The following CEP152 variants were observed in gnomAD, a reference collection of about 807,000 sequenced individuals.
CEP152 encodes the protein centrosomal protein of 152 kDa.
A neutral mutation model predicts 188.9 loss-of-function variants in CEP152; 132 were observed. The observed-to-expected ratio is 0.70, with a 90% CI of 0.61 to 0.81. The LOEUF (loss-of-function observed/expected upper bound fraction) is 0.81. Ranked by LOEUF, CEP152 falls within the 30% of genes least tolerant of loss-of-function variation. The pLI, the probability that CEP152 is intolerant of heterozygous loss-of-function variation, is 0.00. For synonymous variants in CEP152, 649 were observed against 666.6 expected (o/e 0.97, Z 0.41); for missense variants, 1,914 against 1,969.8 (o/e 0.97, Z 0.54).
At chr15:48,800,906 T>C (rs1897628273) in intron 2 of CEP152, among the ~76,000 whole-genome samples, 1 of 152,180 alleles carries the variant, frequency 6.6e-6, no homozygotes, top group African/African-American at 2.4e-5. Context: ...CAAAACACTT[T>C]GCAATAACCC....
chr15:48,767,604 G>T, intron 15 of CEP152, 141 bp from the exon 16 acceptor site: 1 of 1,081,270 alleles, frequency 9.2e-7, no homozygotes, highest in Non-Finnish European at 1.4e-6. Flanking sequence ...AACTGAAAGT[G>T]GTAATAATTA....
intron 13 of CEP152, among the ~76,000 whole-genome samples, chr15:48,771,531 T>C (rs578244651): frequency 3.2e-4 from 48 of 152,238 alleles, no homozygotes; most frequent in Non-Finnish European, 5.7e-4. Context: ...TAGAGCACTA[T>C]TGGTAAAAGC....
chr15:48,741,342 C>G (rs980569713), intron 26 of CEP152: 2 of 1,262,902 alleles, frequency 1.6e-6, no homozygotes, highest in African/African-American at 1.5e-5. Flanking sequence ...TTTTCTCATT[C>G]TTTATTTGCT....
intron 21 of CEP152, among the ~76,000 whole-genome samples, chr15:48,749,545 C>T (rs1189297215): frequency 6.6e-6 from 1 of 151,786 alleles, no homozygotes; most frequent in Non-Finnish European, 1.5e-5. Context: ...GTAACCTCAC[C>T]AATAAGACAT....
At chr15:48,803,117 G>A (rs1164191903) in intron 2 of CEP152, among the ~76,000 whole-genome samples, 2 of 152,284 alleles carry the variant, frequency 1.3e-5, no homozygotes, top group Non-Finnish European at 2.9e-5. Flanking sequence ...TCCCACATCA[G>A]CAACTTGAAC....
chr15:48,806,998 A>T (rs1397732898), intron 1 of CEP152, among the ~76,000 whole-genome samples: 1 of 152,188 alleles, frequency 6.6e-6, no homozygotes, highest in Non-Finnish European at 1.5e-5. Flanking sequence ...TTTGTTTTTC[A>T]AAGACTGAGT....
intron 22 of CEP152, 44 bp downstream of exon 22, chr15:48,748,399 T>G: frequency 6.7e-7 from 1 of 1,486,722 alleles, no homozygotes; most frequent in East Asian, 2.5e-5. Flanking sequence ...TCAACAAGGA[T>G]CAAAGAAATT....
At chr15:48,774,525 A>G (rs553592757) in intron 12 of CEP152, among the ~76,000 whole-genome samples, 2 of 152,330 alleles carry the variant, frequency 1.3e-5, no homozygotes, top group African/African-American at 2.4e-5. Context: ...AATTTGTACA[A>G]GCCTCAGTCT....
At chr15:48,799,475 G>GT (rs969643710) in intron 2 of CEP152, among the ~76,000 whole-genome samples, 12 of 152,174 alleles carry the variant, frequency 7.9e-5, no homozygotes, top group African/African-American at 9.6e-5. Context: ...CACTGGATGG[G>GT]TTTTTTTTAA....
Position 48,772,911 on chromosome 15 carries a change from A to G in CEP152, c.1578-220T>C, listed in dbSNP as rs563485086. The stretch of plus-strand genomic sequence containing the variant: ...TTTATTCACAGGAAGAGCCTTCTCA[A>G]GCTTAGTCCTGCTGCTCACTGTAAG... On this transcript the variant is annotated intron_variant, in intron 12 of 26. Transcript: ENST00000380950. Among the ~76,000 whole-genome samples, 48 of 152,348 alleles carry G rather than the reference A, an allele frequency of 3.2e-4. 1 individual carries two copies. The highest frequency in any genetic ancestry group is 8.3e-4 in the South Asian group (4 of 4,826).
rs1235374998 is a variant in CEP152, at chr15:48,768,969, T to G, written c.1895A>C (p.Gln632Pro). ...LLLKNEIQVL[Q>P]QQNQELKETE... ...ATTTTTAATCACCTGATTTTGTTGT[T>G]GTAAAACTTGAATTTCATTTTTAAG... The change falls in exon 14 of 27, where the codon CAA becomes CCA. Residue 632 changes from glutamine to proline, a missense_variant. Transcript: ENST00000380950. The G allele has an allele frequency of 6.5e-7, 1 of 1,548,908 alleles. No homozygotes were observed. The highest frequency in any genetic ancestry group is 1.7e-5 in the Admixed American group (1 of 58,472).
chr15:48,758,200 A>C (rs1490205618), intron 19 of CEP152, among the ~76,000 whole-genome samples: 1 of 152,200 alleles, frequency 6.6e-6, no homozygotes, highest in Non-Finnish European at 1.5e-5. Flanking sequence ...ACTACTTCTG[A>C]ATTCTAGAAA....
Position 48,797,717 on chromosome 15 carries a change from C to G in CEP152, c.205G>C (p.Glu69Gln). 1 of 1,614,066 alleles carries G rather than the reference C, an allele frequency of 6.2e-7. No individual in the cohort carries two copies. Among genetic ancestry groups the G allele is most frequent in the Non-Finnish European group, 8.5e-7 (1 of 1,179,984 alleles). The change falls in exon 4 of 27, where the codon GAG (glutamate) becomes CAG (glutamine). Residue 69 changes from glutamate to glutamine, a missense_variant. Coordinates refer to ENST00000380950, the MANE Select transcript of CEP152 (RefSeq NM_001194998.2). ...TCATTCCAGCTCATCTCCAATTGCT[C>G]AGGATGATGTGGTCTCGAGAAAAAG... ...DGTDGQPHHPEQLEMSWNEQM... is the reference protein window; with the variant it reads ...DGTDGQPHHPQQLEMSWNEQM...
intron 14 of CEP152, 136 bp from the exon 15 acceptor site, chr15:48,768,464 T>C: frequency 3.3e-6 from 2 of 611,334 alleles, no homozygotes; most frequent in Non-Finnish European, 5.7e-6. Flanking sequence ...TTTTTACAAT[T>C]CTGCAAAAGA....
In CEP152 at chr15:48,760,195, T is replaced by C; in HGVS notation, c.2634A>G (p.Ala878=). ...ACTTTTTCTGTTCTGCCTTCACAAG[T>C]GCTTGATACTCTGCCAGCTCTGGTA... ...GELPELAEYQ[A]LVKAEQKKWE... Residue 878 remains alanine, a synonymous_variant, in exon 19 of 27, where the codon GCA becomes GCG. Coordinates refer to ENST00000380950, the MANE Select transcript of CEP152 (RefSeq NM_001194998.2). The C allele has an allele frequency of 6.2e-7, 1 of 1,614,124 alleles. No individual in the cohort carries two copies. The highest frequency in any genetic ancestry group is 8.5e-7 in the Non-Finnish European group (1 of 1,179,990).
At position 48,755,961 on chromosome 15, in the gene CEP152, T is replaced by C. The variant is rs754740345; in HGVS notation, c.3287A>G (p.Lys1096Arg). 6.2e-7 allele frequency: 1 copy of C among 1,614,130 alleles called. No individual in the cohort carries two copies. The highest frequency in any genetic ancestry group is 1.1e-5 in the South Asian group (1 of 91,080). The change falls in exon 20 of 27, where the codon AAA (lysine) becomes AGA (arginine). Residue 1096 changes from lysine (K) to arginine (R), a missense_variant. Lys to Arg is a conservative substitution (Grantham distance 26). Transcript: ENST00000380950. ...CAGAGGAAGTGTATCTTGAAATGCTTTCTGTATGCAGCCCTTTAGTTTTTC... is the reference window on the plus strand; with the variant it reads ...CAGAGGAAGTGTATCTTGAAATGCTCTCTGTATGCAGCCCTTTAGTTTTTC... The part of the protein sequence containing the change: ...YFEKLKGCIQ[K>R]AFQDTLPLLV...
chr15:48,807,810 A>C (rs1227783475), intron 1 of CEP152, among the ~76,000 whole-genome samples: 1 of 152,206 alleles, frequency 6.6e-6, no homozygotes, highest in Non-Finnish European at 1.5e-5. Flanking sequence ...AAGAACATTA[A>C]GATTTATAAG....
downstream of CEP152, among the ~76,000 whole-genome samples, chr15:48,736,329 G>C (rs1410861097): frequency 1.3e-5 from 2 of 152,118 alleles, no homozygotes; most frequent in East Asian, 1.9e-4. Context: ...GCAAGACAGA[G>C]AGCATGGGAA....
chr15:48,761,729 G>C (rs1958049760), intron 18 of CEP152, among the ~76,000 whole-genome samples: 1 of 152,144 alleles, frequency 6.6e-6, no homozygotes, highest in South Asian at 2.1e-4. Flanking sequence ...TTGTAAAGGA[G>C]TCCTGGGACC....
Sources: allele counts gnomAD v4.1 joint callset (sites outside exome capture counted in the v4.1 genomes callset), GRCh38; gene constraint gnomAD v4.1.1; transcripts MANE v1.5; gene names NCBI Gene and HGNC (gene_info 2026-07-23, HGNC 2026-07-21).